The following XPO1 variants were observed in gnomAD, a reference collection of about 807,000 sequenced individuals.
XPO1 encodes the protein exportin-1.
XPO1 carries 5 observed loss-of-function variants against 133.3 expected under a neutral mutation model. The ratio of observed to expected loss-of-function variants is 0.04; its 90% CI spans 0.02 to 0.08. The LOEUF is 0.08. Ranked by LOEUF, XPO1 falls within the 10% of genes least tolerant of loss-of-function variation. XPO1 has a pLI of 1.00. For missense variants in XPO1, 506 were observed against 1,267.5 expected (o/e 0.40, Z 9.12); for synonymous variants, 419 against 408.2 (o/e 1.03, Z -0.32).
At chr2:61,502,492 G>T (rs776026993) in intron 4 of XPO1, 182 bp from the exon 5 acceptor site, 284 of 540,832 alleles carry the variant, frequency 5.3e-4, no homozygotes, top group Non-Finnish European at 7.8e-4. Flanking sequence ...GCTCACGCTT[G>T]TAATCCCAGC....
chr2:61,495,563 A>G lies in XPO1; in HGVS notation c.939T>C (p.Asp313=). 6.3e-7 allele frequency: 1 copy of G among 1,589,402 alleles called. No homozygotes were observed. ...NIRLAYSNGK[D]DEQNFIQNLS... ...GATTTTGAATGAAGTTCTGTTCATC[A>G]TCTTTTCCATTTGAGTACGCAAGTC... is the stretch of plus-strand genomic sequence containing the variant. Residue 313 remains aspartate (D), a synonymous_variant, in exon 11 of 25, where the codon GAT becomes GAC. Coordinates refer to ENST00000401558, the MANE Select transcript of XPO1 (RefSeq NM_003400.4).
At chr2:61,517,940 A>T (rs142559712) in intron 4 of XPO1, among the ~76,000 whole-genome samples, 1 of 152,230 alleles carries the variant, frequency 6.6e-6, no homozygotes, top group Non-Finnish European at 1.5e-5. Flanking sequence ...CAGCCTGGTC[A>T]ACATGGCGAA....
Position 61,529,170 on chromosome 2 carries a change from G to C in XPO1, c.127-2649C>G, listed in dbSNP as rs544146796. Among the ~76,000 whole-genome samples the C allele has an allele frequency of 3.9e-5, 6 of 152,254 alleles. No homozygotes were observed. In the East Asian group the frequency reaches 1.2e-3, roughly 29 times the overall value. ...CCATTGTGCTCCAGCCTGTGTGACA[G>C]AGCAAGAAAAAAGTTTGATGACTTT... On this transcript the variant is annotated intron_variant, in intron 2 of 24. Transcript: ENST00000401558.
chr2:61,483,214 AAT>A (rs1696489532), intron 21 of XPO1, 123 bp from the exon 22 acceptor site: 1 of 1,030,150 alleles, frequency 9.7e-7, no homozygotes, highest in Non-Finnish European at 1.4e-6. Flanking sequence ...GATGATGACT[AAT>A]AATTACTTGC....
rs1487015027 is a variant in XPO1, at chr2:61,478,356, CTT to C, written c.*462_*463del. 2.1e-5 allele frequency: 5 copies of C among 238,282 alleles called. No individual in the cohort carries two copies. The highest frequency in any genetic ancestry group is 1.1e-4 in the African/African-American group (5 of 45,352). 14.8% of individuals were successfully genotyped at this position (238,282 alleles called of 1,614,324 possible). ...AACGATTCAGTCCAAGAGGTGCTAACTTCAGACAATGCAGCACTATAATCCTT... is the reference window on the plus strand; with the variant it reads ...AACGATTCAGTCCAAGAGGTGCTAACCAGACAATGCAGCACTATAATCCTT... On this transcript the variant is annotated 3_prime_UTR_variant, in exon 25 of 25. Transcript: ENST00000401558.
chr2:61,530,283 A>G (rs1450532346), intron 2 of XPO1, among the ~76,000 whole-genome samples: 2 of 152,134 alleles, frequency 1.3e-5, no homozygotes, highest in Non-Finnish European at 2.9e-5. Flanking sequence ...TGTTAGTTGT[A>G]ATTTTACTCT....
chr2:61,502,505 T>TAA (rs1697579387), intron 4 of XPO1, 195 bp from the exon 5 acceptor site: 11 of 509,856 alleles, frequency 2.2e-5, no homozygotes, highest in Middle Eastern at 5.4e-4. Context: ...ATCCCAGCAA[T>TAA]TCTTTGGGAG....
chr2:61,528,593 G>C (rs11125885), intron 2 of XPO1, among the ~76,000 whole-genome samples: 94,401 of 149,030 alleles, frequency 0.63, 30,005 homozygotes, highest in Middle Eastern at 0.71. Context: ...GATTCCCCAA[G>C]AATCAGGAAG....
intron 20 of XPO1, 56 bp downstream of exon 20, chr2:61,485,712 A>ATGTAT: frequency 7.0e-7 from 1 of 1,434,866 alleles, no homozygotes; most frequent in South Asian, 1.3e-5. Context: ...TTTAGCTTTC[A>ATGTAT]AGAATTAAGG....
chr2:61,483,132 G>A (rs772076628), intron 21 of XPO1, 41 bp from the exon 22 acceptor site: 6 of 1,585,960 alleles, frequency 3.8e-6, no homozygotes, highest in Non-Finnish European at 5.1e-6. Context: ...ACTACAGACT[G>A]ACAGCACTCA....
intron 2 of XPO1, among the ~76,000 whole-genome samples, chr2:61,532,627 G>A (rs1326041522): frequency 1.3e-5 from 2 of 149,988 alleles, no homozygotes; most frequent in Non-Finnish European, 3.0e-5. Flanking sequence ...CACGAGGTCA[G>A]GAGATGGAGA....
At chr2:61,500,264 C>A (rs994566430) in intron 6 of XPO1, among the ~76,000 whole-genome samples, 13 of 151,988 alleles carry the variant, frequency 8.6e-5, no homozygotes, top group African/African-American at 3.1e-4. Context: ...GTGGGCAGAT[C>A]ACTTGAGGCC....
At chr2:61,490,839 C>G (rs796277182) in intron 16 of XPO1, 63 bp from the exon 17 acceptor site, 39 of 1,570,722 alleles carry the variant, frequency 2.5e-5, no homozygotes, top group Admixed American at 1.9e-4. Context: ...AAACCACACA[C>G]AAGCAATTCA....
intron 4 of XPO1, among the ~76,000 whole-genome samples, chr2:61,515,510 A>G (rs1036211829): frequency 3.9e-5 from 6 of 152,184 alleles, no homozygotes; most frequent in Non-Finnish European, 5.9e-5. Context: ...TGAAATGCAG[A>G]TATTTCATCA....
chr2:61,529,511 C>G (rs1699060782), intron 2 of XPO1, among the ~76,000 whole-genome samples: 1 of 151,954 alleles, frequency 6.6e-6, no homozygotes, highest in Admixed American at 6.6e-5. Context: ...CAAAAATTAG[C>G]TGGGCATGGT....
Position 61,483,930 on chromosome 2 carries a change from T to G in XPO1, c.2677+7A>C. On this transcript the variant is annotated splice_region_variant and intron_variant, in intron 21 of 24. Transcript: ENST00000401558. ...GGCAAATGAATAAAAGAACATCTTT[T>G]ATTTACCCGTATCTGCGACATTCCT... 3 of 1,609,162 alleles carry G rather than the reference T, an allele frequency of 1.9e-6. No individual in the cohort carries two copies. Among genetic ancestry groups the G allele is most frequent in the Non-Finnish European group, 2.5e-6 (3 of 1,178,788 alleles).
intron 4 of XPO1, among the ~76,000 whole-genome samples, chr2:61,506,882 A>G (rs555583435): frequency 6.6e-6 from 1 of 152,114 alleles, no homozygotes; most frequent in South Asian, 2.1e-4. Context: ...TACATAACAC[A>G]TTTCAATTCC....
At chr2:61,481,725 G>A (rs576546318) in intron 23 of XPO1, among the ~76,000 whole-genome samples, 17 of 151,690 alleles carry the variant, frequency 1.1e-4, no homozygotes, top group African/African-American at 3.9e-4. Context: ...GATTACAGGC[G>A]TTTGCCACCG....
At chr2:61,508,792 G>C (rs1185300998) in intron 4 of XPO1, among the ~76,000 whole-genome samples, 2 of 152,176 alleles carry the variant, frequency 1.3e-5, no homozygotes, top group Non-Finnish European at 2.9e-5. Context: ...TTGTACATCA[G>C]CATCTTACAT....
Sources: gnomAD v4.1 joint callset for allele counts (sites outside exome capture counted in the v4.1 genomes callset) on GRCh38, gnomAD v4.1.1 for gene constraint, MANE v1.5 for transcripts, NCBI Gene and HGNC (gene_info 2026-07-23, HGNC 2026-07-21) for gene names.